PTPRM: variants seen among roughly 807,000 people sequenced by gnomAD.
PTPRM encodes the protein protein tyrosine phosphatase receptor type M.
Under a neutral mutation model 186.7 loss-of-function variants are expected in PTPRM, and 47 were observed. The observed-to-expected ratio is 0.25, with a 90% confidence interval of 0.20 to 0.32. The LOEUF is 0.32. Among genes scored for constraint, PTPRM ranks in the 10% least tolerant of loss-of-function variants. PTPRM has a pLI of 1.00. For missense variants in PTPRM, 1,494 were observed against 1,865.0 expected (o/e 0.80, Z 3.66); for synonymous variants, 668 against 674.9 (o/e 0.99, Z 0.16).
Position 8,336,637 on chromosome 18 carries a change from G to C in PTPRM, c.2957-6786G>C, listed in dbSNP as rs908374576. On this transcript the variant is annotated intron_variant, in intron 22 of 32. Coordinates refer to ENST00000580170, the MANE Select transcript of PTPRM (RefSeq NM_001105244.2). ...AGGAGGGGGAGGGAGAGGAGGAGGA[G>C]GAGGAAAAAGAAGGAGAAGAAGGAG... Among the ~76,000 whole-genome samples the C allele has an allele frequency of 2.8e-5, 4 of 145,148 alleles. No individual in the cohort carries two copies. In the Admixed American group the frequency reaches 2.8e-4, roughly 10 times the overall value.
At chr18:8,135,150 A>G (rs1005461657) in intron 13 of PTPRM, among the ~76,000 whole-genome samples, 4 of 152,206 alleles carry the variant, frequency 2.6e-5, no homozygotes, top group African/African-American at 9.6e-5. Context: ...AAATTCCTTT[A>G]CAATTCAGAG....
At chr18:8,043,476 A>G (rs1342266624) in intron 7 of PTPRM, among the ~76,000 whole-genome samples, 2 of 152,086 alleles carry the variant, frequency 1.3e-5, no homozygotes, top group African/African-American at 4.8e-5. Context: ...TAGTATCTTT[A>G]TTATATGCTT....
At chr18:7,927,278 G>C (rs2051228393) in intron 5 of PTPRM, among the ~76,000 whole-genome samples, 1 of 152,100 alleles carries the variant, frequency 6.6e-6, no homozygotes, top group South Asian at 2.1e-4. Flanking sequence ...AGAATGAGTG[G>C]GAGTAAATTG....
intron 1 of PTPRM, among the ~76,000 whole-genome samples, chr18:7,754,312 G>A (rs1280916400): frequency 3.3e-5 from 5 of 152,140 alleles, no homozygotes; most frequent in African/African-American, 4.8e-5. Flanking sequence ...GCAATTACCC[G>A]ACATTTCCTG....
At position 7,729,784 on chromosome 18, in the gene PTPRM, TA is replaced by T. The variant is rs201161383; in HGVS notation, c.74-44357del. On this transcript the variant is annotated intron_variant, in intron 1 of 32. Transcript: ENST00000580170. ...TTAGGATACTTTTAACTTGAAGGAT[TA>T]AAAAAAACTAATCATATAGAACCAT... Among the ~76,000 whole-genome samples the T allele has an allele frequency of 6.6e-5, 10 of 152,072 alleles. No individual in the cohort carries two copies. The East Asian group carries it at 9.7e-4, about 15-fold the overall frequency.
At chr18:7,955,004 C>T in intron 6 of PTPRM, 117 bp from the exon 7 acceptor site, 1 of 1,121,004 alleles carries the variant, frequency 8.9e-7, no homozygotes, top group Non-Finnish European at 1.2e-6. Context: ...AAATTTTTCT[C>T]ATCAATTTAT....
intron 19 of PTPRM, among the ~76,000 whole-genome samples, chr18:8,288,190 G>A (rs542201527): frequency 1.3e-5 from 2 of 152,340 alleles, no homozygotes; most frequent in Non-Finnish European, 2.9e-5. Context: ...GAAGTAATCT[G>A]GAAATGCAGG....
At chr18:7,608,980 G>A (rs1388272576) in intron 1 of PTPRM, among the ~76,000 whole-genome samples, 2 of 152,180 alleles carry the variant, frequency 1.3e-5, no homozygotes, top group East Asian at 1.9e-4. Flanking sequence ...CCATAAGGTC[G>A]ACTGATTAGA....
intron 20 of PTPRM, among the ~76,000 whole-genome samples, chr18:8,312,785 C>A (rs747044909): frequency 6.6e-6 from 1 of 152,158 alleles, no homozygotes; most frequent in Admixed American, 6.5e-5. Flanking sequence ...ACATGACCTC[C>A]TCTCAGCTTT....
chr18:8,076,458 C>T lies in PTPRM; in HGVS notation c.1445C>T (p.Pro482Leu). Reference protein sequence around the residue: ...ELIVQTDEDLPGAVPTESIQG... With the variant: ...ELIVQTDEDLLGAVPTESIQG... ...ATTTCCTCCCACCCTCCTTTAGTCCCAGGTGCTGTTCCCACTGAATCCATA... is the reference window on the plus strand; with the variant it reads ...ATTTCCTCCCACCCTCCTTTAGTCCTAGGTGCTGTTCCCACTGAATCCATA... Residue 482 changes from proline to leucine, a missense_variant, in exon 9 of 33, where the codon CCA (proline) becomes CTA (leucine). Physicochemically the swap from Pro to Leu is moderately conservative, Grantham distance 98. Transcript: ENST00000580170. 6.3e-7 allele frequency: 1 copy of T among 1,582,218 alleles called. No homozygotes were observed.
chr18:7,962,568 A>G (rs1403182647), intron 7 of PTPRM, among the ~76,000 whole-genome samples: 5 of 152,180 alleles, frequency 3.3e-5, no homozygotes, highest in African/African-American at 1.2e-4. Flanking sequence ...TTCGTTTTAA[A>G]TATATCTGAA....
At chr18:8,398,189 G>T (rs1228744585) in intron 32 of PTPRM, among the ~76,000 whole-genome samples, 1 of 151,792 alleles carries the variant, frequency 6.6e-6, no homozygotes, top group African/African-American at 2.4e-5. Flanking sequence ...TTGCAGTTTT[G>T]CCCAGGCTGG....
chr18:7,882,555 C>A (rs752490976), intron 2 of PTPRM, among the ~76,000 whole-genome samples: 1 of 152,068 alleles, frequency 6.6e-6, no homozygotes, highest in African/African-American at 2.4e-5. Flanking sequence ...GGCAAAACAG[C>A]CAAAGGGAGG....
chr18:7,635,614 A>G (rs767513514), intron 1 of PTPRM, among the ~76,000 whole-genome samples: 1 of 152,234 alleles, frequency 6.6e-6, no homozygotes, highest in Non-Finnish European at 1.5e-5. Flanking sequence ...TAAATTATTT[A>G]TCCACTGAAT....
At chr18:8,260,528 G>A (rs982120946) in intron 19 of PTPRM, among the ~76,000 whole-genome samples, 1 of 152,178 alleles carries the variant, frequency 6.6e-6, no homozygotes, top group East Asian at 1.9e-4. Context: ...TCACTCATTA[G>A]CATGAGGATG....
chr18:8,088,864 G>A lies in PTPRM; in HGVS notation c.1856+13G>A, dbSNP rs2090568190. On this transcript the variant is annotated intron_variant, in intron 11 of 32. Coordinates refer to ENST00000580170, the MANE Select transcript of PTPRM (RefSeq NM_001105244.2). The stretch of plus-strand genomic sequence containing the variant: ...GAGCACCTGTCAGGTATGGAACAGA[G>A]GGTTGGGCCGGCTCTAGATAGAAGA... 6.4e-7 allele frequency: 1 copy of A among 1,570,150 alleles called. No individual in the cohort carries two copies. The highest frequency in any genetic ancestry group is 2.2e-5 in the East Asian group (1 of 44,596).
At chr18:8,058,150 C>A (rs1193522336) in intron 7 of PTPRM, among the ~76,000 whole-genome samples, 3 of 129,770 alleles carry the variant, frequency 2.3e-5, no homozygotes, top group Admixed American at 7.8e-5. Flanking sequence ...GCCATTCTAA[C>A]TGGTGTGAGA....
Position 7,567,449 on chromosome 18 carries a change from A to C in PTPRM, c.-370A>C. 1 of 163,478 alleles carries C rather than the reference A, an allele frequency of 6.1e-6. No homozygotes were observed. The highest frequency in any genetic ancestry group is 1.3e-5 in the Non-Finnish European group (1 of 76,460). 10.1% of individuals were successfully genotyped at this position (163,478 alleles called of 1,614,324 possible). A position where few individuals can be genotyped will look rare whatever the true frequency, so the allele number is the denominator to read the frequency against. The stretch of plus-strand genomic sequence containing the variant: ...AACGCGCGCGGCCACGGCCACGGCC[A>C]CCGCCACGGCCACGGCCGGCAGCTC... On this transcript the variant is annotated 5_prime_UTR_variant, in exon 1 of 33. Transcript: ENST00000580170. This position sits in a 1 kb window ranked among gnomAD's most constrained non-coding sequence, Gnocchi z 4.3.
At chr18:8,239,849 T>C (rs555781285) in intron 14 of PTPRM, among the ~76,000 whole-genome samples, 9 of 152,372 alleles carry the variant, frequency 5.9e-5, no homozygotes, top group Middle Eastern at 3.4e-3. Flanking sequence ...GATCTATTTA[T>C]AGATATTCGT....
Sources: allele counts gnomAD v4.1 joint callset (sites outside exome capture counted in the v4.1 genomes callset), GRCh38; gene constraint gnomAD v4.1.1; non-coding constraint Gnocchi (gnomAD v3.1); transcripts MANE v1.5; gene names NCBI Gene and HGNC (gene_info 2026-07-23, HGNC 2026-07-21).